The following LTBP1 variants were observed in gnomAD, a reference collection of about 807,000 sequenced individuals.
The protein encoded by LTBP1 is latent transforming growth factor beta binding protein 1.
A neutral mutation model predicts 207.6 loss-of-function variants in LTBP1; 129 were observed. The observed-to-expected ratio is 0.62, with a 90% CI of 0.54 to 0.72. The LOEUF (loss-of-function observed/expected upper bound fraction) is 0.72. Among genes scored for constraint, LTBP1 ranks in the 30% least tolerant of loss-of-function variants. LTBP1 has a pLI of 0.00. For missense variants in LTBP1, 2,281 were observed against 2,217.2 expected, an observed-to-expected ratio of 1.03 and a Z score of -0.58; for synonymous variants, 963 against 833.7, an observed-to-expected ratio of 1.16 and a Z score of -2.67.
At chr2:33,126,751 G>A (rs1340552634) in intron 4 of LTBP1, among the ~76,000 whole-genome samples, 4 of 152,154 alleles carry the variant, frequency 2.6e-5, no homozygotes, top group Admixed American at 6.5e-5. Flanking sequence ...GAGTTTGGCC[G>A]TAGTCCCATA....
chr2:33,337,366 C>T (rs1381080384), intron 24 of LTBP1, among the ~76,000 whole-genome samples: 1 of 152,150 alleles, frequency 6.6e-6, no homozygotes, highest in African/African-American at 2.4e-5. Context: ...AACATTGCTA[C>T]TTTTTAAATG....
Position 33,186,950 on chromosome 2 carries a change from CCCAGT to C in LTBP1, c.1300_1304del (p.Val434TrpfsTer6). On this transcript the variant is annotated frameshift_variant, in exon 6 of 34. Transcript: ENST00000404816. LOFTEE classifies it high-confidence loss of function. ...ATTTCACAGGAAAACTTTGTCAGATCCCAGTCCATGGTGCCAGCGTGCCTAAACTT... is the reference window on the plus strand; with the variant it reads ...ATTTCACAGGAAAACTTTGTCAGATCCCATGGTGCCAGCGTGCCTAAACTT... The C allele has an allele frequency of 1.2e-6, 2 of 1,614,170 alleles. No homozygotes were observed. The highest frequency in any genetic ancestry group is 1.7e-6 in the Non-Finnish European group (2 of 1,180,016).
intron 3 of LTBP1, among the ~76,000 whole-genome samples, chr2:33,068,341 A>G (rs1281162282): frequency 1.3e-5 from 2 of 151,984 alleles, no homozygotes; most frequent in Non-Finnish European, 2.9e-5. Flanking sequence ...TATATAGTCC[A>G]TATACTCCCT....
chr2:33,059,288 A>C, intron 3 of LTBP1, among the ~76,000 whole-genome samples: 1 of 152,226 alleles, frequency 6.6e-6, no homozygotes, highest in Non-Finnish European at 1.5e-5. Flanking sequence ...GATTTAAATT[A>C]GTTTTAATGT....
At chr2:33,035,300 G>A (rs1316579112) in intron 3 of LTBP1, among the ~76,000 whole-genome samples, 1 of 152,110 alleles carries the variant, frequency 6.6e-6, no homozygotes, top group African/African-American at 2.4e-5. Context: ...AATTCTAACT[G>A]GCTATATACC....
chr2:33,162,998 T>C (rs1360675677), intron 5 of LTBP1, among the ~76,000 whole-genome samples: 2 of 152,202 alleles, frequency 1.3e-5, no homozygotes, highest in South Asian at 2.1e-4. Flanking sequence ...GATTTATTTA[T>C]TGAGACAAGG....
intron 3 of LTBP1, among the ~76,000 whole-genome samples, chr2:33,053,271 C>T (rs1360401176): frequency 3.3e-5 from 5 of 152,134 alleles, no homozygotes; most frequent in East Asian, 3.9e-4. Flanking sequence ...CCCCTCTCCC[C>T]GTCCCATAGG....
chr2:33,185,443 C>T (rs572732145), intron 5 of LTBP1, among the ~76,000 whole-genome samples: 73 of 152,030 alleles, frequency 4.8e-4, no homozygotes, highest in Non-Finnish European at 8.7e-4. Context: ...ATTTGAAGCT[C>T]GGAAGAAAGC....
chr2:33,375,694 A>AT lies in LTBP1; in HGVS notation c.4711+10198dup, dbSNP rs1414459385. On this transcript the variant is annotated intron_variant, in intron 31 of 33. Coordinates refer to ENST00000404816, the MANE Select transcript of LTBP1 (RefSeq NM_206943.4). ...AGGCGCCCGCCACCATGCCCGGCTA[A>AT]TTTTTTTGTATTTTTTTTTTTTTTT... is the stretch of plus-strand genomic sequence containing the variant. Among the ~76,000 whole-genome samples, 62 of 146,252 alleles carry AT rather than the reference A, an allele frequency of 4.2e-4. No homozygotes were observed. In the South Asian group the frequency reaches 0.011, roughly 27 times the overall value.
At chr2:33,073,429 CA>C (rs1264292754) in intron 3 of LTBP1, among the ~76,000 whole-genome samples, 1 of 151,984 alleles carries the variant, frequency 6.6e-6, no homozygotes, top group African/African-American at 2.4e-5. Context: ...AATAGGAAAT[CA>C]CCCCTTTTTA....
chr2:32,988,330 T>C (rs1345423093), intron 2 of LTBP1, among the ~76,000 whole-genome samples: 2 of 152,226 alleles, frequency 1.3e-5, no homozygotes, highest in African/African-American at 4.8e-5. Flanking sequence ...TTTAGCATGA[T>C]ATTGCACCTG....
chr2:33,345,852 GC>G, intron 25 of LTBP1, among the ~76,000 whole-genome samples: 1 of 152,000 alleles, frequency 6.6e-6, no homozygotes, highest in East Asian at 1.9e-4. Context: ...CACGTTTAAT[GC>G]ATAAGACATG....
intron 7 of LTBP1, among the ~76,000 whole-genome samples, chr2:33,200,075 C>T (rs2089037748): frequency 6.6e-6 from 1 of 152,130 alleles, no homozygotes; most frequent in East Asian, 1.9e-4. Flanking sequence ...GATTCAATGC[C>T]ATCCCCATCA....
intron 15 of LTBP1, among the ~76,000 whole-genome samples, chr2:33,269,993 T>G (rs1333526633): frequency 6.7e-6 from 1 of 149,114 alleles, no homozygotes; most frequent in African/African-American, 2.5e-5. Flanking sequence ...TGAGGCAAAG[T>G]CTCGCCCTGT....
At chr2:33,084,082 T>A (rs116417548) in intron 3 of LTBP1, among the ~76,000 whole-genome samples, 86 of 152,296 alleles carry the variant, frequency 5.6e-4, no homozygotes, top group African/African-American at 1.9e-3. Flanking sequence ...CCATTCCATT[T>A]AAAGGGTAAG....
intron 2 of LTBP1, among the ~76,000 whole-genome samples, chr2:32,960,431 GAA>G (rs1558439928): frequency 6.7e-6 from 1 of 150,330 alleles, no homozygotes; most frequent in Admixed American, 6.8e-5. Context: ...ATGAATGAAT[GAA>G]TGGATTGATT....
At chr2:32,960,401 AT>A (rs1678901421) in intron 2 of LTBP1, among the ~76,000 whole-genome samples, 1 of 2,930 alleles carries the variant, frequency 3.4e-4, no homozygotes, top group East Asian at 0.12. Context: ...CCTTTATGGA[AT>A]GAATGAATGA....
In LTBP1 at chr2:33,293,151, T is replaced by G; in HGVS notation, c.3113-9T>G. 1.9e-6 allele frequency: 3 copies of G among 1,606,430 alleles called. No homozygotes were observed. The highest frequency in any genetic ancestry group is 2.5e-6 in the Non-Finnish European group (3 of 1,178,210). The stretch of plus-strand genomic sequence containing the variant: ...TTTTTGTTCTTTCCATTACGCAACA[T>G]TCTTCAAGATGTGGACGAGTGCCTG... On this transcript the variant is annotated splice_polypyrimidine_tract_variant and intron_variant, in intron 19 of 33. Transcript: ENST00000404816.
At chr2:33,103,585 A>ATGTGTGTG (rs1558640670) in intron 3 of LTBP1, among the ~76,000 whole-genome samples, 1 of 77,214 alleles carries the variant, frequency 1.3e-5, no homozygotes, top group African/African-American at 4.1e-5. Context: ...GTCTCCGTTT[A>ATGTGTGTG]CGTGTGTGTG....
Sources: allele counts gnomAD v4.1 joint callset (sites outside exome capture counted in the v4.1 genomes callset), GRCh38; gene constraint gnomAD v4.1.1; transcripts MANE v1.5; gene names NCBI Gene and HGNC (gene_info 2026-07-23, HGNC 2026-07-21).